Variants in RPH3AL observed in about 807,000 individuals in gnomAD.
RPH3AL encodes rabphilin 3A like (without C2 domains), also known as rab effector Noc2.
A neutral mutation model predicts 43.1 loss-of-function variants in RPH3AL; 38 were observed. The ratio of observed to expected loss-of-function variants is 0.88; its 90% CI spans 0.68 to 1.15. The LOEUF is 1.15. Ranked by LOEUF, RPH3AL falls within the 50% of genes most tolerant of loss-of-function variation. RPH3AL has a pLI of 0.00. For missense variants in RPH3AL, 462 were observed against 423.2 expected (o/e 1.09, Z -0.81); for synonymous variants, 189 against 176.3 (o/e 1.07, Z -0.57).
At chr17:300,024 C>T (rs9911899) in intron 5 of RPH3AL, among the ~76,000 whole-genome samples, 12,484 of 35,062 alleles carry the variant, frequency 0.36, 2,831 homozygotes, top group East Asian at 0.45. Flanking sequence ...GCAGAATCTC[C>T]CACCCACTCT....
chr17:245,363 G>C lies in RPH3AL; in HGVS notation c.613+1748C>G, dbSNP rs1015219229. Among the ~76,000 whole-genome samples, 4 of 149,322 alleles carry C rather than the reference G, an allele frequency of 2.7e-5. No individual in the cohort carries two copies. Among genetic ancestry groups the C allele is most frequent in the Admixed American group, 6.7e-5 (1 of 14,864 alleles). On this transcript the variant is annotated intron_variant, in intron 7 of 9. Coordinates refer to ENST00000331302, the MANE Select transcript of RPH3AL (RefSeq NM_006987.4). The surrounding 1 kb of genome is among the most constrained non-coding windows in gnomAD (Gnocchi z 5.9). ...GATGTGAGTGTGTATGTGGATGTCAGTGTGTGTGTGTGGATGTCAGTGTGT... is the reference window on the plus strand; with the variant it reads ...GATGTGAGTGTGTATGTGGATGTCACTGTGTGTGTGTGGATGTCAGTGTGT...
chr17:340,407 CGGGCTCAGG>C (rs2045082435), intron 1 of RPH3AL, among the ~76,000 whole-genome samples: 6 of 150,652 alleles, frequency 4.0e-5, no homozygotes, highest in African/African-American at 1.2e-4. Flanking sequence ...CTCACTGCCC[CGGGCTCAGG>C]CCTCCCCACA....
intron 7 of RPH3AL, among the ~76,000 whole-genome samples, chr17:229,714 G>A (rs752733426): frequency 5.3e-5 from 8 of 152,344 alleles, no homozygotes; most frequent in Middle Eastern, 3.4e-3. Flanking sequence ...TCCTGGGGGA[G>A]AGTGCCCGGT....
chr17:347,863 A>AT (rs1322430126), intron 1 of RPH3AL, among the ~76,000 whole-genome samples: 2 of 151,268 alleles, frequency 1.3e-5, no homozygotes, highest in African/African-American at 4.9e-5. Flanking sequence ...GAATTCAGTG[A>AT]TAAAAAAAAT....
At chr17:219,447 C>A (rs955843262) in intron 8 of RPH3AL, among the ~76,000 whole-genome samples, 176 bp downstream of exon 8, 2 of 151,246 alleles carry the variant, frequency 1.3e-5, no homozygotes, top group Non-Finnish European at 2.9e-5. Flanking sequence ...TCTGCCCACC[C>A]CGGCCTCCTA....
At chr17:330,769 G>C (rs952051993) in intron 2 of RPH3AL, among the ~76,000 whole-genome samples, 1 of 152,048 alleles carries the variant, frequency 6.6e-6, no homozygotes, top group Non-Finnish European at 1.5e-5. Context: ...CCAGCTATTC[G>C]GGAGGCCGAG....
chr17:269,410 C>T (rs556572345), intron 6 of RPH3AL, among the ~76,000 whole-genome samples: 13 of 152,312 alleles, frequency 8.5e-5, no homozygotes, highest in African/African-American at 3.1e-4. Flanking sequence ...CTTGCTGGAA[C>T]GCAAGCTCCA....
chr17:268,900 A>C (rs2042387769), intron 6 of RPH3AL, among the ~76,000 whole-genome samples: 1 of 151,042 alleles, frequency 6.6e-6, no homozygotes, highest in South Asian at 2.1e-4. Flanking sequence ...TTTTTTTGAG[A>C]CGGAGTCTCG....
intron 7 of RPH3AL, among the ~76,000 whole-genome samples, chr17:235,353 G>A (rs1325805276): frequency 6.8e-5 from 10 of 147,652 alleles, no homozygotes; most frequent in Non-Finnish European, 1.3e-4. Flanking sequence ...ACGGATCCAG[G>A]GTTCAAAGCT....
At chr17:314,865 C>T (rs1199357595) in intron 5 of RPH3AL, among the ~76,000 whole-genome samples, 1 of 150,664 alleles carries the variant, frequency 6.6e-6, no homozygotes, top group African/African-American at 2.4e-5. Flanking sequence ...TCCCTGTGCC[C>T]CACCTCCATT....
Position 213,670 on chromosome 17 carries a change from TC to T in RPH3AL, c.*181del. On this transcript the variant is annotated 3_prime_UTR_variant, in exon 10 of 10. Coordinates refer to ENST00000331302, the MANE Select transcript of RPH3AL (RefSeq NM_006987.4). ...GGAGGGGGTGGCGGATGCAGACAGC[TC>T]CCCAGGAGAGAAGGGGTGCAGAAAG... 1.6e-6 allele frequency: 1 copy of T among 619,536 alleles called. No homozygotes were observed. Among genetic ancestry groups the T allele is most frequent in the Non-Finnish European group, 2.9e-6 (1 of 344,452 alleles). 38.4% of individuals were successfully genotyped at this position (619,536 alleles called of 1,614,324 possible).
chr17:315,850 G>T (rs1259999971), intron 5 of RPH3AL, among the ~76,000 whole-genome samples: 11 of 143,260 alleles, frequency 7.7e-5, no homozygotes, highest in Non-Finnish European at 1.2e-4. Flanking sequence ...CACCTCCATT[G>T]ACCTGTAGTC....
intron 9 of RPH3AL, among the ~76,000 whole-genome samples, chr17:214,215 C>G (rs1006570489): frequency 6.6e-6 from 1 of 152,196 alleles, no homozygotes; most frequent in Non-Finnish European, 1.5e-5. Context: ...AGAGAACACC[C>G]TCCTTTAAGC....
intron 7 of RPH3AL, among the ~76,000 whole-genome samples, chr17:232,846 GT>G (rs112807075): frequency 2.9e-4 from 20 of 68,382 alleles, no homozygotes; most frequent in South Asian, 5.6e-4. Flanking sequence ...GTGTGTGTGT[GT>G]GTGTGTGTGT....
intron 1 of RPH3AL, 50 bp downstream of exon 1, chr17:352,662 C>T (rs1379894635): frequency 6.6e-6 from 1 of 152,280 alleles, no homozygotes; most frequent in African/African-American, 2.4e-5. Context: ...TCCAGGAAAA[C>T]AGAGGCATCT....
intron 6 of RPH3AL, among the ~76,000 whole-genome samples, chr17:263,831 A>G (rs1166375959): frequency 6.6e-6 from 1 of 152,228 alleles, no homozygotes; most frequent in Non-Finnish European, 1.5e-5. Context: ...CCGTCCCTGA[A>G]GAAGGCCAAG....
chr17:265,051 T>C (rs1555547516), intron 6 of RPH3AL, among the ~76,000 whole-genome samples: 1 of 152,152 alleles, frequency 6.6e-6, no homozygotes. Context: ...TAAAACACAC[T>C]GGGTGCCTCA....
intron 5 of RPH3AL, among the ~76,000 whole-genome samples, chr17:316,883 T>G (rs564632840): frequency 1.4e-5 from 2 of 143,338 alleles, no homozygotes; most frequent in Non-Finnish European, 1.5e-5. Context: ...TCCACCTCCA[T>G]TGACCTGTAG....
At chr17:243,370 A>G (rs2041632616) in intron 7 of RPH3AL, among the ~76,000 whole-genome samples, 1 of 98,398 alleles carries the variant, frequency 1.0e-5, no homozygotes, top group South Asian at 3.5e-4. Context: ...TCTATTGATT[A>G]CCCTTCCTCT....
Sources: allele counts gnomAD v4.1 joint callset (sites outside exome capture counted in the v4.1 genomes callset), GRCh38; gene constraint gnomAD v4.1.1; non-coding constraint Gnocchi (gnomAD v3.1); transcripts MANE v1.5; gene names NCBI Gene and HGNC (gene_info 2026-07-23, HGNC 2026-07-21).